Variants in ANK3 observed in about 807,000 individuals in gnomAD.
ANK3 encodes the protein ankyrin 3.
In ANK3, 57 loss-of-function variants were observed where a neutral mutation model predicts 370.9. That is an observed-to-expected ratio of 0.15 (90% CI 0.12 to 0.19). The LOEUF (loss-of-function observed/expected upper bound fraction) is 0.19, where lower values mean the gene tolerates loss of function less well. ANK3 is among the 10% of genes least tolerant of loss of function. The pLI is 1.00. For synonymous variants in ANK3, 1,929 were observed against 1,946.3 expected (o/e 0.99, Z 0.23); for missense variants, 4,439 against 5,302.1 (o/e 0.84, Z 5.06).
intron 13 of ANK3, among the ~76,000 whole-genome samples, chr10:60,199,447 G>A (rs2096639156): frequency 1.3e-5 from 2 of 152,100 alleles, no homozygotes; most frequent in African/African-American, 2.4e-5. Flanking sequence ...AAGCAGAAAC[G>A]AATAGGTGCC....
chr10:60,722,791 T>C (rs2079882786), intron 1 of ANK3, among the ~76,000 whole-genome samples: 1 of 152,128 alleles, frequency 6.6e-6, no homozygotes, highest in South Asian at 2.1e-4. Flanking sequence ...TTAAAAGAGT[T>C]TGGGACTTTC....
intron 9 of ANK3, among the ~76,000 whole-genome samples, chr10:60,211,892 C>CAAAAAAAAAAAAAAAAAAAAGA (rs2096860910): frequency 1.1e-5 from 1 of 93,400 alleles, no homozygotes; most frequent in Admixed American, 1.3e-4. Context: ...AATACAGAGC[C>CAAAAAAAAAAAAAAAAAAAAGA]AAAAAAAAAA....
chr10:60,136,526 A>G (rs1039621578), intron 24 of ANK3, among the ~76,000 whole-genome samples: 2 of 152,156 alleles, frequency 1.3e-5, no homozygotes, highest in Non-Finnish European at 2.9e-5. Context: ...TTCTATGTAG[A>G]CAAACACTTA....
chr10:60,345,366 T>G (rs2055212220), intron 1 of ANK3, among the ~76,000 whole-genome samples: 1 of 152,172 alleles, frequency 6.6e-6, no homozygotes, highest in African/African-American at 2.4e-5. Context: ...TTCTAAATTA[T>G]CTTATCAGTC....
chr10:60,542,269 TTTTA>T (rs1195368329), intron 2 of ANK3, among the ~76,000 whole-genome samples: 2 of 151,918 alleles, frequency 1.3e-5, no homozygotes, highest in Non-Finnish European at 2.9e-5. Flanking sequence ...TGTCCAGTTC[TTTTA>T]TTGAGACTGA....
chr10:60,665,961 C>T (rs910248740), intron 1 of ANK3, among the ~76,000 whole-genome samples: 3 of 152,174 alleles, frequency 2.0e-5, no homozygotes, highest in Non-Finnish European at 2.9e-5. Context: ...TGCTATTGGT[C>T]GAAATGTAAA....
chr10:60,498,993 C>T (rs940339463), intron 2 of ANK3, among the ~76,000 whole-genome samples: 1 of 152,218 alleles, frequency 6.6e-6, no homozygotes, highest in African/African-American at 2.4e-5. Context: ...TATCTTCTCA[C>T]AGTATCTTAA....
At position 60,072,978 on chromosome 10, in the gene ANK3, G is replaced by A; in HGVS notation, c.7903C>T (p.Leu2635=). The A allele has an allele frequency of 6.2e-7, 1 of 1,614,076 alleles. No individual in the cohort carries two copies. The highest frequency in any genetic ancestry group is 8.5e-7 in the Non-Finnish European group (1 of 1,180,000). ...SPTSSSPEKV[L]LTELLASNDE... ...TTGGATGCCAGCAGTTCTGTCAGTA[G>A]CACTTTCTCAGGGCTGCTACTGGTA... The change falls in exon 37 of 44, where the codon CTA becomes TTA. Residue 2635 remains leucine, a synonymous_variant. Coordinates refer to ENST00000280772, the MANE Select transcript of ANK3 (RefSeq NM_020987.5).
At chr10:60,717,251 A>T (rs74157806) in intron 1 of ANK3, among the ~76,000 whole-genome samples, 1 of 149,782 alleles carries the variant, frequency 6.7e-6, no homozygotes, top group African/African-American at 2.4e-5. Flanking sequence ...AGAAGGAAGA[A>T]GTAGTGGTAC....
At chr10:60,145,764 T>C (rs2094785855) in intron 23 of ANK3, among the ~76,000 whole-genome samples, 1 of 152,160 alleles carries the variant, frequency 6.6e-6, no homozygotes, top group African/African-American at 2.4e-5. Context: ...TAAGATGCTA[T>C]TGAATGAATA....
intron 1 of ANK3, among the ~76,000 whole-genome samples, chr10:60,637,338 A>T (rs536170005): frequency 2.6e-5 from 4 of 152,304 alleles, no homozygotes; most frequent in African/African-American, 9.6e-5. Flanking sequence ...CTGGCAATGG[A>T]CGTTGCATAG....
intron 1 of ANK3, among the ~76,000 whole-genome samples, chr10:60,372,646 G>A (rs1344778386): frequency 6.6e-6 from 1 of 152,178 alleles, no homozygotes; most frequent in Non-Finnish European, 1.5e-5. Context: ...GACTGACAAA[G>A]CATAGAGCTG....
At chr10:60,614,525 G>A (rs1230316766) in intron 2 of ANK3, among the ~76,000 whole-genome samples, 4 of 152,186 alleles carry the variant, frequency 2.6e-5, no homozygotes, top group African/African-American at 9.7e-5. Flanking sequence ...GATGGCATGA[G>A]CACATGGAAA....
At chr10:60,230,917 G>T (rs1485566969) in intron 8 of ANK3, among the ~76,000 whole-genome samples, 1 of 149,048 alleles carries the variant, frequency 6.7e-6, no homozygotes, top group South Asian at 2.1e-4. Flanking sequence ...AAAGAAACCT[G>T]AAGGGTCTGT....
At chr10:60,213,804 T>A (rs1048728389) in intron 8 of ANK3, among the ~76,000 whole-genome samples, 2 of 152,196 alleles carry the variant, frequency 1.3e-5, no homozygotes, top group Non-Finnish European at 2.9e-5. Context: ...CTACAAGTAA[T>A]TTGATGCTCA....
At chr10:60,427,290 A>T (rs1366837147) in intron 2 of ANK3, among the ~76,000 whole-genome samples, 1 of 152,144 alleles carries the variant, frequency 6.6e-6, no homozygotes, top group Non-Finnish European at 1.5e-5. Context: ...AGAAAGAGAA[A>T]GGGAGAGATA....
Position 60,027,306 on chromosome 10 carries a change from TTAA to T in ANK3, c.*2537_*2539del, listed in dbSNP as rs2072453877. ...GGAAAGTTTTTTTTTTTTTTTTTTT[TTAA>T]AAAAAAAACCTCTCAAGGGTCTAAC... On this transcript the variant is annotated 3_prime_UTR_variant, in exon 44 of 44. Coordinates refer to ENST00000280772, the MANE Select transcript of ANK3 (RefSeq NM_020987.5). 3 of 149,020 alleles carry T rather than the reference TTAA, an allele frequency of 2.0e-5. No homozygotes were observed. The highest frequency in any genetic ancestry group is 3.9e-4 in the East Asian group (2 of 5,144). The allele number at this position is 149,020 out of a possible 1,614,324, so 9.2% of individuals were successfully genotyped here. A position where few individuals can be genotyped will look rare whatever the true frequency, so the allele number is the denominator to read the frequency against.
chr10:60,343,995 T>C (rs910889298), intron 1 of ANK3, among the ~76,000 whole-genome samples: 2 of 152,232 alleles, frequency 1.3e-5, no homozygotes, highest in African/African-American at 4.8e-5. Context: ...CCTGGGCCTA[T>C]ATTTTTCTAG....
chr10:60,150,166 T>C (rs1374487850), intron 23 of ANK3, among the ~76,000 whole-genome samples: 1 of 152,128 alleles, frequency 6.6e-6, no homozygotes, highest in Admixed American at 6.6e-5. Context: ...GCCCAGAGTT[T>C]TCCAGAACCG....
Sources: allele counts gnomAD v4.1 joint callset (sites outside exome capture counted in the v4.1 genomes callset), GRCh38; gene constraint gnomAD v4.1.1; transcripts MANE v1.5; gene names NCBI Gene and HGNC (gene_info 2026-07-23, HGNC 2026-07-21).